The following RNASEH2B variants were observed in gnomAD, a reference collection of about 807,000 sequenced individuals.
RNASEH2B encodes Aicardi-Goutieres syndrome 2 protein.
A neutral mutation model predicts 45.0 loss-of-function variants in RNASEH2B; 36 were observed. The observed-to-expected ratio is 0.80, with a 90% confidence interval of 0.61 to 1.06. The LOEUF is 1.06. Among genes scored for constraint, RNASEH2B ranks in the 50% least tolerant of loss-of-function variants. The pLI, the probability that RNASEH2B is intolerant of heterozygous loss-of-function variation, is 0.00. For missense variants in RNASEH2B, 361 were observed against 360.3 expected (o/e 1.00, Z -0.02); for synonymous variants, 119 against 125.7 (o/e 0.95, Z 0.35).
At chr13:50,942,324 A>G (rs552793342) in intron 5 of RNASEH2B, 2 of 152,218 alleles carry the variant, frequency 1.3e-5, no homozygotes, top group Non-Finnish European at 2.9e-5. Flanking sequence ...TTTTATCTCC[A>G]TAAAGGGCCA....
chr13:50,928,361 T>C (rs752433914), intron 2 of RNASEH2B: 2 of 152,226 alleles, frequency 1.3e-5, no homozygotes, highest in Non-Finnish European at 2.9e-5. Flanking sequence ...TCTCCAGTGT[T>C]CTTTTCTTCA....
intron 9 of RNASEH2B, chr13:50,952,678 G>A (rs542071938): frequency 6.6e-6 from 1 of 152,340 alleles, no homozygotes; most frequent in South Asian, 2.1e-4. Flanking sequence ...TGGGATTACA[G>A]GCATGAGTCA....
chr13:50,970,164 C>A, exon 10 of RNASEH2B: 1 of 640,924 alleles, frequency 1.6e-6, no homozygotes. Flanking sequence ...CCCTGGAGCA[C>A]TCAGCTAGGC....
intron 3 of RNASEH2B, among the ~76,000 whole-genome samples, chr13:50,930,320 G>T (rs1951661191): frequency 6.6e-6 from 1 of 152,172 alleles, no homozygotes; most frequent in South Asian, 2.1e-4. Flanking sequence ...GACGATACAG[G>T]TTCCCTAACA....
chr13:50,910,042 G>A lies in RNASEH2B; in HGVS notation c.-35G>A. 1 of 1,463,544 alleles carries A rather than the reference G, an allele frequency of 6.8e-7. No homozygotes were observed. The highest frequency in any genetic ancestry group is 9.0e-7 in the Non-Finnish European group (1 of 1,110,482). 90.7% of individuals were successfully genotyped at this position (1,463,544 alleles called of 1,614,324 possible). On this transcript the variant is annotated 5_prime_UTR_variant, in exon 1 of 11. Coordinates refer to ENST00000336617, the MANE Select transcript of RNASEH2B (RefSeq NM_024570.4). ...GGGCTGGGAGACTGAGGCCCGCGGC[G>A]CTGAGCCTGCGGCGCCCCGGAAGAG...
downstream of RNASEH2B, among the ~76,000 whole-genome samples, chr13:50,958,585 G>A (rs1348577757): frequency 4.6e-5 from 7 of 151,954 alleles, no homozygotes; most frequent in East Asian, 7.7e-4. Context: ...CTTTTTTTTG[G>A]TTCCATATGA....
chr13:50,920,253 C>T (rs1350515170), intron 1 of RNASEH2B, among the ~76,000 whole-genome samples: 3 of 152,170 alleles, frequency 2.0e-5, no homozygotes, highest in Admixed American at 1.3e-4. Flanking sequence ...CCATGTTGGC[C>T]GGGCTGGTCT....
chr13:50,912,103 G>C (rs1266168969), intron 1 of RNASEH2B: 2 of 152,314 alleles, frequency 1.3e-5, no homozygotes, highest in East Asian at 3.8e-4. Context: ...AGGCTGAGCA[G>C]CTGTTGGAAC....
intron 9 of RNASEH2B, among the ~76,000 whole-genome samples, chr13:50,967,117 C>T (rs115786827): frequency 0.012 from 1,858 of 152,218 alleles, 33 homozygotes; most frequent in African/African-American, 0.043. Context: ...TCCCTCCAGC[C>T]GCTGGTGCTT....
At chr13:50,959,411 CTT>C (rs1036001318), downstream of RNASEH2B, 1 of 151,454 alleles carries the variant, frequency 6.6e-6, no homozygotes, top group African/African-American at 2.4e-5. Context: ...TAACCAGACA[CTT>C]TTATTTTCTT....
At chr13:50,956,276 A>G in intron 10 of RNASEH2B, 82 bp from the exon 11 acceptor site, 7 of 1,146,594 alleles carry the variant, frequency 6.1e-6, no homozygotes, top group South Asian at 1.4e-5. Flanking sequence ...GAAACTTGAG[A>G]CATGCAGTCT....
At chr13:50,930,886 A>G in intron 4 of RNASEH2B, 127 bp downstream of exon 4, 2 of 793,404 alleles carry the variant, frequency 2.5e-6, no homozygotes, top group South Asian at 2.7e-5. Flanking sequence ...GTGACTAGAG[A>G]AAACATGAAT....
chr13:50,965,358 T>C (rs1413994868), intron 9 of RNASEH2B, among the ~76,000 whole-genome samples: 1 of 152,196 alleles, frequency 6.6e-6, no homozygotes, highest in Non-Finnish European at 1.5e-5. Flanking sequence ...GTACACTCTG[T>C]GATGTTCACA....
intron 1 of RNASEH2B, among the ~76,000 whole-genome samples, chr13:50,919,798 C>CA (rs1246229284): frequency 1.3e-5 from 2 of 152,084 alleles, no homozygotes; most frequent in Non-Finnish European, 2.9e-5. Flanking sequence ...GTTTTTCATC[C>CA]AAAAAAGTGG....
In RNASEH2B at chr13:50,910,051, G is replaced by C. The variant is rs982127083; in HGVS notation, c.-26G>C. 55 of 1,466,786 alleles carry C rather than the reference G, an allele frequency of 3.7e-5. No individual in the cohort carries two copies. Among genetic ancestry groups the C allele is most frequent in the Non-Finnish European group, 4.6e-5 (51 of 1,113,194 alleles). The allele number at this position is 1,466,786 out of a possible 1,614,324, so 90.9% of individuals were successfully genotyped here. ...GACTGAGGCCCGCGGCGCTGAGCCTGCGGCGCCCCGGAAGAGGCGGGCGGC... is the reference window on the plus strand; with the variant it reads ...GACTGAGGCCCGCGGCGCTGAGCCTCCGGCGCCCCGGAAGAGGCGGGCGGC... On this transcript the variant is annotated 5_prime_UTR_variant, in exon 1 of 11. Transcript: ENST00000336617.
intron 5 of RNASEH2B, 128 bp downstream of exon 5, chr13:50,935,127 T>G (rs1046134818): frequency 1.7e-4 from 120 of 705,662 alleles, no homozygotes; most frequent in Admixed American, 6.5e-4. Context: ...ATCATTCAGA[T>G]TTGCTAACAC....
At chr13:50,927,907 A>T (rs1371329243) in intron 2 of RNASEH2B, among the ~76,000 whole-genome samples, 1 of 152,094 alleles carries the variant, frequency 6.6e-6, no homozygotes, top group African/African-American at 2.4e-5. Flanking sequence ...TGACATGCCA[A>T]GATTTTGATT....
At chr13:50,963,407 G>C (rs1318045951) in intron 9 of RNASEH2B, among the ~76,000 whole-genome samples, 1 of 151,864 alleles carries the variant, frequency 6.6e-6, no homozygotes. Context: ...CAGGTGATCC[G>C]CCCACCTCAG....
At chr13:50,957,771 A>AT (rs1363886800), downstream of RNASEH2B, among the ~76,000 whole-genome samples, 2 of 152,022 alleles carry the variant, frequency 1.3e-5, no homozygotes, top group Admixed American at 6.6e-5. Context: ...ATCATCTGTT[A>AT]TTTTTTTACT....
Sources: gnomAD v4.1 joint callset for allele counts (sites outside exome capture counted in the v4.1 genomes callset) on GRCh38, gnomAD v4.1.1 for gene constraint, MANE v1.5 for transcripts, NCBI Gene and HGNC (gene_info 2026-07-23, HGNC 2026-07-21) for gene names.